Variants in PHEX observed in about 807,000 individuals in gnomAD.
PHEX encodes phosphate-regulating neutral endopeptidase PHEX.
Under a neutral mutation model 68.0 loss-of-function variants are expected in PHEX, and 16 were observed. The ratio of observed to expected loss-of-function variants is 0.24; its 90% CI spans 0.16 to 0.36. PHEX has a LOEUF of 0.36. Ranked by LOEUF, PHEX falls within the 10% of genes least tolerant of loss-of-function variation. PHEX has a pLI of 1.00. For synonymous variants in PHEX, 208 were observed against 205.1 expected, an observed-to-expected ratio of 1.01 and a Z score of -0.12; for missense variants, 480 against 575.5, an observed-to-expected ratio of 0.83 and a Z score of 1.70.
At chrX:22,066,267 A>G (rs776436823) in intron 3 of PHEX, among the ~76,000 whole-genome samples, 1 of 111,965 alleles carries the variant, frequency 8.9e-6, no homozygotes, top group Admixed American at 9.4e-5. Flanking sequence ...ATGGCGACCA[A>G]TTCATGCTTT....
intron 15 of PHEX, among the ~76,000 whole-genome samples, chrX:22,191,390 A>G (rs1020426809): frequency 1.8e-5 from 2 of 112,572 alleles, no homozygotes; most frequent in Admixed American, 9.4e-5. Flanking sequence ...AGCCTTGGCA[A>G]TAAGGACACA....
chrX:22,162,479 C>T (rs1226494047), intron 12 of PHEX, among the ~76,000 whole-genome samples: 1 of 111,448 alleles, frequency 9.0e-6, no homozygotes, highest in Admixed American at 9.5e-5. Context: ...CCAAACACTA[C>T]ACATCACAGT....
intron 4 of PHEX, among the ~76,000 whole-genome samples, 164 bp downstream of exon 4, chrX:22,076,638 C>G (rs1296940515): frequency 2.7e-5 from 3 of 112,008 alleles, no homozygotes; most frequent in Admixed American, 9.5e-5. Context: ...TTGACTAGTC[C>G]CATCTTAGTT....
chrX:22,068,978 C>G (rs1401949475), intron 3 of PHEX, among the ~76,000 whole-genome samples: 1 of 111,013 alleles, frequency 9.0e-6, no homozygotes, highest in Non-Finnish European at 1.9e-5. Context: ...TAAAAACATA[C>G]AAAAAAATTA....
intron 15 of PHEX, among the ~76,000 whole-genome samples, chrX:22,205,318 C>G (rs1441467036): frequency 8.9e-6 from 1 of 111,746 alleles, no homozygotes; most frequent in African/African-American, 3.3e-5. Flanking sequence ...GAGGCTGCTG[C>G]AGGGATCCTA....
chrX:22,049,821 C>G (rs1008168350), intron 3 of PHEX, among the ~76,000 whole-genome samples: 1 of 110,946 alleles, frequency 9.0e-6, no homozygotes, highest in Non-Finnish European at 1.9e-5. Flanking sequence ...CAAGATCATG[C>G]CATTGCACTC....
At chrX:22,204,503 C>T (rs1037284141) in intron 15 of PHEX, among the ~76,000 whole-genome samples, 2 of 111,910 alleles carry the variant, frequency 1.8e-5, no homozygotes, top group South Asian at 7.4e-4. Context: ...GATTATTTGT[C>T]GAGTGGTATC....
At chrX:22,151,542 CT>C (rs1464577430) in intron 12 of PHEX, among the ~76,000 whole-genome samples, 1 of 111,395 alleles carries the variant, frequency 9.0e-6, no homozygotes, top group Non-Finnish European at 1.9e-5. Context: ...GCCAGGGATG[CT>C]TATGGCAGAC....
intron 11 of PHEX, among the ~76,000 whole-genome samples, chrX:22,114,972 G>A (rs956123989): frequency 1.8e-5 from 2 of 111,893 alleles, no homozygotes; most frequent in Non-Finnish European, 3.8e-5. Context: ...TTGGAGAAAA[G>A]GGTGTATTTT....
intron 12 of PHEX, among the ~76,000 whole-genome samples, chrX:22,146,895 C>A (rs1429497400): frequency 9.0e-6 from 1 of 110,573 alleles, no homozygotes; most frequent in Non-Finnish European, 1.9e-5. Context: ...ATAGTAAATA[C>A]TTAAAAATTC....
At chrX:22,183,773 T>C (rs1329953777) in intron 14 of PHEX, among the ~76,000 whole-genome samples, 3 of 111,625 alleles carry the variant, frequency 2.7e-5, no homozygotes, top group African/African-American at 9.8e-5. Context: ...TGGTGAATTT[T>C]CAGGGTCTTC....
At chrX:22,055,804 C>T (rs996816643) in intron 3 of PHEX, among the ~76,000 whole-genome samples, 21 of 112,055 alleles carry the variant, frequency 1.9e-4, no homozygotes, top group Non-Finnish European at 3.4e-4. Context: ...AGTTGATCCA[C>T]CTGCCTCTGC....
intron 1 of PHEX, among the ~76,000 whole-genome samples, chrX:22,036,216 C>T (rs1369820892): frequency 1.9e-5 from 2 of 107,321 alleles, no homozygotes; most frequent in East Asian, 2.9e-4. Flanking sequence ...TGCACCACCA[C>T]GCCCAGCTAA....
At chrX:22,044,739 T>A (rs192341785) in intron 2 of PHEX, among the ~76,000 whole-genome samples, 2,859 of 87,276 alleles carry the variant, frequency 0.033, 98 homozygotes, top group African/African-American at 0.11. Flanking sequence ...AATAAATAAA[T>A]AATAAAAAAT....
At chrX:22,245,821 C>CA (rs1356682282) in intron 21 of PHEX, among the ~76,000 whole-genome samples, 4 of 111,471 alleles carry the variant, frequency 3.6e-5, no homozygotes, top group East Asian at 5.6e-4. Flanking sequence ...CTTTTTTGTC[C>CA]AAAAAAATAG....
chrX:22,077,379 C>A (rs1929195091), intron 4 of PHEX, 97 bp from the exon 5 acceptor site: 4 of 750,444 alleles, frequency 5.3e-6, no homozygotes, highest in Non-Finnish European at 8.4e-6. Flanking sequence ...TAAGTTGGAG[C>A]ATTATGGGAA....
At chrX:22,115,511 A>T (rs776356101) in intron 11 of PHEX, among the ~76,000 whole-genome samples, 3 of 111,882 alleles carry the variant, frequency 2.7e-5, no homozygotes, top group East Asian at 2.8e-4. Context: ...ATTAGTAACT[A>T]TAGTCACCAT....
At chrX:22,084,079 T>A (rs757380765) in intron 5 of PHEX, among the ~76,000 whole-genome samples, 4 of 112,518 alleles carry the variant, frequency 3.6e-5, no homozygotes, top group Non-Finnish European at 7.5e-5. Flanking sequence ...TTACAGAATG[T>A]ATTAGAATGA....
chrX:22,064,527 T>C (rs1473387204), intron 3 of PHEX, among the ~76,000 whole-genome samples: 1 of 111,868 alleles, frequency 8.9e-6, no homozygotes, highest in Non-Finnish European at 1.9e-5. Flanking sequence ...TGTACCACGT[T>C]TTCTTTATGT....
Sources: allele counts gnomAD v4.1 joint callset (sites outside exome capture counted in the v4.1 genomes callset), GRCh38; gene constraint gnomAD v4.1.1; transcripts MANE v1.5; gene names NCBI Gene and HGNC (gene_info 2026-07-23, HGNC 2026-07-21).